Variants in ACADL observed in about 807,000 individuals in gnomAD.
ACADL encodes the protein acyl-CoA dehydrogenase long chain.
In ACADL, 60 loss-of-function variants were observed where a neutral mutation model predicts 56.9. The observed-to-expected ratio is 1.05, with a 90% confidence interval of 0.86 to 1.31. The LOEUF (loss-of-function observed/expected upper bound fraction) is 1.31, where lower values mean the gene tolerates loss of function less well. ACADL is among the 50% of genes most tolerant of loss of function. The pLI is 0.00. For missense variants in ACADL, 484 were observed against 525.5 expected, an observed-to-expected ratio of 0.92 and a Z score of 0.77; for synonymous variants, 158 against 179.7, an observed-to-expected ratio of 0.88 and a Z score of 0.97.
chr2:210,224,854 TC>T, intron 1 of ACADL: 1 of 1,055,408 alleles, frequency 9.5e-7, no homozygotes, highest in South Asian at 4.1e-5. Flanking sequence ...AAACGCAGGC[TC>T]CCGGGTCCCA....
At position 210,200,745 on chromosome 2, in the gene ACADL, C is replaced by T. The variant is rs879744279; in HGVS notation, c.984+2586G>A. Among the ~76,000 whole-genome samples the T allele has an allele frequency of 4.0e-5, 6 of 151,788 alleles. No individual in the cohort carries two copies. The East Asian group carries it at 5.8e-4, about 15-fold the overall frequency. On this transcript the variant is annotated intron_variant, in intron 8 of 10. Transcript: ENST00000233710. ...GAAAAAGTTAATTTGATGACAATAC[C>T]GGTAGCAAACAGTTCCCAAAACGAC...
intron 4 of ACADL, among the ~76,000 whole-genome samples, chr2:210,213,144 AT>A (rs2076037847): frequency 6.6e-6 from 1 of 152,192 alleles, no homozygotes; most frequent in South Asian, 2.1e-4. Context: ...CTAACATCAT[AT>A]TTTTCATCAT....
rs1216266729 is a variant in ACADL, at chr2:210,203,342, C to A, written c.973G>T (p.Ala325Ser). The A allele has an allele frequency of 1.9e-6, 3 of 1,611,978 alleles. No individual in the cohort carries two copies. Among genetic ancestry groups the A allele is most frequent in the East Asian group, 2.2e-5 (1 of 44,796 alleles). Reference protein sequence around the residue: ...KQRKAFGKTVAHLQTVQHKLA... With the variant: ...KQRKAFGKTVSHLQTVQHKLA... ...AGTGACAAGCTTACCTGTAGGTGAG[C>A]AACTGTTTTGCCAAAAGCTTTTCTT... The change falls in exon 8 of 11, where the codon GCT becomes TCT. Residue 325 changes from alanine (A) to serine (S), a missense_variant. Transcript: ENST00000233710.
At chr2:210,215,523 T>C (rs1365340934) in intron 4 of ACADL, among the ~76,000 whole-genome samples, 1 of 152,204 alleles carries the variant, frequency 6.6e-6, no homozygotes, top group African/African-American at 2.4e-5. Flanking sequence ...CCAAATGAAA[T>C]ATAATGCCCA....
chr2:210,224,731 T>C lies in ACADL; in HGVS notation c.77+456A>G, dbSNP rs973082803. ...CACTGAGTCCGGGTCCCAAGTTCAC[T>C]ACCGCGCGGCGAGTCTAAGCCGTGG... On this transcript the variant is annotated intron_variant, in intron 1 of 10. Coordinates refer to ENST00000233710, the MANE Select transcript of ACADL (RefSeq NM_001608.4). 8.1e-6 allele frequency: 8 copies of C among 988,030 alleles called. No individual in the cohort carries two copies. The African/African-American group carries it at 1.0e-4, about 13-fold the overall frequency. The allele number at this position is 988,030 out of a possible 1,614,324, so 61.2% of individuals were successfully genotyped here.
intron 10 of ACADL, 28 bp downstream of exon 10, chr2:210,192,772 TAAAG>T (rs996101982): frequency 5.9e-6 from 9 of 1,531,590 alleles, no homozygotes; most frequent in Non-Finnish European, 7.2e-6. Context: ...CTTCACATCA[TAAAG>T]AAGAGTGTAT....
At chr2:210,201,742 A>G (rs1474153950) in intron 8 of ACADL, among the ~76,000 whole-genome samples, 2 of 152,172 alleles carry the variant, frequency 1.3e-5, no homozygotes, top group African/African-American at 4.8e-5. Flanking sequence ...TGATGACCAC[A>G]TGAAGGAATT....
intron 5 of ACADL, among the ~76,000 whole-genome samples, chr2:210,207,738 T>C (rs974551464): frequency 1.4e-4 from 21 of 152,064 alleles, no homozygotes; most frequent in Non-Finnish European, 2.6e-4. Context: ...TAATGAAAAA[T>C]GGGCAAATAA....
chr2:210,225,095 C>A (rs1197891719), intron 1 of ACADL, 92 bp downstream of exon 1: 3 of 1,518,356 alleles, frequency 2.0e-6, no homozygotes, highest in Non-Finnish European at 1.8e-6. Flanking sequence ...CGCGCGCGCA[C>A]CGCCCTGCTT....
At chr2:210,195,372 G>A (rs1191496385) in intron 8 of ACADL, 34 bp from the exon 9 acceptor site, 1 of 1,595,172 alleles carries the variant, frequency 6.3e-7, no homozygotes, top group Non-Finnish European at 8.6e-7. Context: ...AAAAAAGTGA[G>A]CATGGTAGAA....
At chr2:210,210,285 A>C in intron 4 of ACADL, 23 bp from the exon 5 acceptor site, 1 of 1,516,568 alleles carries the variant, frequency 6.6e-7, no homozygotes, top group Non-Finnish European at 9.2e-7. Flanking sequence ...GAAAAGATAA[A>C]AAATTCATCA....
Position 210,225,335 on chromosome 2 carries a change from C to T in ACADL, c.-72G>A. The T allele has an allele frequency of 2.0e-6, 3 of 1,478,958 alleles. No individual in the cohort carries two copies. Among genetic ancestry groups the T allele is most frequent in the Middle Eastern group, 1.8e-4 (1 of 5,596 alleles). 91.6% of individuals were successfully genotyped at this position (1,478,958 alleles called of 1,614,324 possible). On this transcript the variant is annotated 5_prime_UTR_variant, in exon 1 of 11. Transcript: ENST00000233710. ...ACTCGGCGACTCGGGGCAGGGTCCCCGGGAGGGAGGACGATCAGCTGAGGC... is the reference window on the plus strand; with the variant it reads ...ACTCGGCGACTCGGGGCAGGGTCCCTGGGAGGGAGGACGATCAGCTGAGGC...
At chr2:210,190,901 T>G (rs548064074) in intron 10 of ACADL, among the ~76,000 whole-genome samples, 6 of 139,500 alleles carry the variant, frequency 4.3e-5, no homozygotes, top group South Asian at 2.4e-4. Flanking sequence ...ATGTGGCTTT[T>G]TTGTTGTTGT....
chr2:210,193,711 G>A (rs1223821094), intron 9 of ACADL, among the ~76,000 whole-genome samples: 1 of 151,438 alleles, frequency 6.6e-6, no homozygotes, highest in Admixed American at 6.6e-5. Context: ...CCACTCTAGG[G>A]CCTAGGTTGG....
At chr2:210,192,587 A>G (rs769654332) in intron 10 of ACADL, among the ~76,000 whole-genome samples, 5 of 152,164 alleles carry the variant, frequency 3.3e-5, no homozygotes, top group Non-Finnish European at 5.9e-5. Flanking sequence ...GCTTTTGTTT[A>G]TTGGTCTCTT....
intron 6 of ACADL, among the ~76,000 whole-genome samples, chr2:210,205,217 G>T (rs1166438783): frequency 6.6e-6 from 1 of 151,862 alleles, no homozygotes; most frequent in Non-Finnish European, 1.5e-5. Flanking sequence ...GTAGAGATGG[G>T]GTTTCACCAT....
At chr2:210,202,303 C>T (rs1016643370) in intron 8 of ACADL, among the ~76,000 whole-genome samples, 5 of 151,878 alleles carry the variant, frequency 3.3e-5, no homozygotes, top group African/African-American at 1.2e-4. Flanking sequence ...ATGTTGGCCA[C>T]GCTAGTCTCG....
intron 4 of ACADL, among the ~76,000 whole-genome samples, chr2:210,214,683 A>G (rs1689053843): frequency 6.6e-6 from 1 of 152,224 alleles, no homozygotes; most frequent in Non-Finnish European, 1.5e-5. Flanking sequence ...TTTATTCTAT[A>G]GCCTCTTTTT....
At chr2:210,224,167 G>A (rs1255404671) in intron 1 of ACADL, 2 of 146,340 alleles carry the variant, frequency 1.4e-5, no homozygotes, top group Admixed American at 7.2e-5. Context: ...GGTTGCAGCA[G>A]TGAGCCAAGA....
Sources: gnomAD v4.1 joint callset for allele counts (sites outside exome capture counted in the v4.1 genomes callset) on GRCh38, gnomAD v4.1.1 for gene constraint, MANE v1.5 for transcripts, NCBI Gene and HGNC (gene_info 2026-07-23, HGNC 2026-07-21) for gene names.